Variants in ANKRD61 observed in about 807,000 individuals in gnomAD.
ANKRD61 encodes ankyrin repeat domain 61.
Under a neutral mutation model 8.4 loss-of-function variants are expected in ANKRD61, and 7 were observed. That is an observed-to-expected ratio of 0.84 (90% CI 0.48 to 1.57). ANKRD61 has a LOEUF of 1.57. Among genes scored for constraint, ANKRD61 ranks in the 40% most tolerant of loss-of-function variants. The pLI is 0.00. For missense variants in ANKRD61, 516 were observed against 523.4 expected (o/e 0.99, Z 0.14); for synonymous variants, 198 against 208.0 (o/e 0.95, Z 0.41).
chr7:6,035,346 T>G lies in ANKRD61; in HGVS notation c.315-98T>G. The G allele has an allele frequency of 8.5e-7, 1 of 1,172,748 alleles. No individual in the cohort carries two copies. Among genetic ancestry groups the G allele is most frequent in the Non-Finnish European group, 1.2e-6 (1 of 837,654 alleles). The allele number at this position is 1,172,748 out of a possible 1,614,324, so 72.6% of individuals were successfully genotyped here. A position where few individuals can be genotyped will look rare whatever the true frequency, so the allele number is the denominator to read the frequency against. On this transcript the variant is annotated intron_variant, in intron 2 of 2. Transcript: ENST00000409061. The surrounding 1 kb of genome is among the most constrained non-coding windows in gnomAD (Gnocchi z 5.5). ...ACGTCCTTAAGGTAATTGAAGGGTC[T>G]TACTTTAAATAAATACTGGCTTCTT... is the stretch of plus-strand genomic sequence containing the variant.
Position 6,036,282 on chromosome 7 carries a change from A to T in ANKRD61, c.1153A>T (p.Arg385Trp), listed in dbSNP as rs918880445. ...SLQGICKRNIRNIYGEKYKQH... is the reference protein window; with the variant it reads ...SLQGICKRNIWNIYGEKYKQH... ...ACAGGGTATCTGCAAAAGAAACATC[A>T]GGAATATTTATGGTGAGAAATACAA... The change falls in exon 3 of 3, where the codon AGG (arginine) becomes TGG (tryptophan). Residue 385 changes from arginine (R) to tryptophan (W), a missense_variant. Coordinates refer to ENST00000409061, the MANE Select transcript of ANKRD61 (RefSeq NM_001271700.2). The surrounding 1 kb of genome is among the most constrained non-coding windows in gnomAD (Gnocchi z 4.6). 6.5e-7 allele frequency: 1 copy of T among 1,549,386 alleles called. No homozygotes were observed. Among genetic ancestry groups the T allele is most frequent in the Non-Finnish European group, 8.7e-7 (1 of 1,146,778 alleles).
In ANKRD61 at chr7:6,033,660, C is replaced by G. The variant is rs1787980295; in HGVS notation, c.314+724C>G. Among the ~76,000 whole-genome samples, 1 of 152,180 alleles carries G rather than the reference C, an allele frequency of 6.6e-6. No homozygotes were observed. Among genetic ancestry groups the G allele is most frequent in the South Asian group, 2.1e-4 (1 of 4,818 alleles). On this transcript the variant is annotated intron_variant, in intron 2 of 2. Coordinates refer to ENST00000409061, the MANE Select transcript of ANKRD61 (RefSeq NM_001271700.2). The surrounding 1 kb of genome is among the most constrained non-coding windows in gnomAD (Gnocchi z 4.4). ...GGCTGGAGTGCAGTGGCACCATTCT[C>G]CTGGGTTCACGCCATTCTCCTGCCT... is the stretch of plus-strand genomic sequence containing the variant.
At position 6,036,051 on chromosome 7, in the gene ANKRD61, A is replaced by G; in HGVS notation, c.922A>G (p.Thr308Ala). 6.4e-7 allele frequency: 1 copy of G among 1,551,122 alleles called. No homozygotes were observed. The highest frequency in any genetic ancestry group is 8.7e-7 in the Non-Finnish European group (1 of 1,147,130). Residue 308 changes from threonine (T) to alanine (A), a missense_variant, in exon 3 of 3, where the codon ACA becomes GCA. By Grantham distance (58) the Thr-to-Ala change is moderately conservative (BLOSUM62 0). Transcript: ENST00000409061. The surrounding 1 kb of genome is among the most constrained non-coding windows in gnomAD (Gnocchi z 4.6). ...LEFEANVNIL[T>A]RNGESPIYMY... ...ATTTGAAGCAAATGTTAACATTTTA[A>G]CAAGAAACGGGGAATCTCCAATTTA...
In ANKRD61 at chr7:6,035,493, G is replaced by A; in HGVS notation, c.364G>A (p.Val122Ile). The A allele has an allele frequency of 3.9e-6, 6 of 1,551,072 alleles. No homozygotes were observed. The highest frequency in any genetic ancestry group is 5.2e-6 in the Non-Finnish European group (6 of 1,147,110). ...CAACTTAATGCTACTGCACTGGCCA[G>A]TCACTTCCACCACGTGGGCAAAACC... ...TLNLMLLHWP[V>I]TSTTWAKPGN... is the part of the protein sequence containing the mutation. Residue 122 changes from valine (V) to isoleucine (I), a missense_variant, in exon 3 of 3, where the codon GTC (valine) becomes ATC (isoleucine). Physicochemically the swap from Val to Ile is conservative, Grantham distance 29. Transcript: ENST00000409061. This position sits in a 1 kb window ranked among gnomAD's most constrained non-coding sequence, Gnocchi z 5.5.
In ANKRD61 at chr7:6,031,490, GA is replaced by G; in HGVS notation, c.117del (p.Asp40ThrfsTer9). On this transcript the variant is annotated frameshift_variant, in exon 1 of 3. Coordinates refer to ENST00000409061, the MANE Select transcript of ANKRD61 (RefSeq NM_001271700.2). LOFTEE classifies it high-confidence loss of function. ...GAAACTCTATGAAGCCATCATGAGA[GA>G]AGACTGCACTACGATCGAGGTACTC... ...HSKLYEAIMR[E>X]DCTTIEVLLR... The G allele has an allele frequency of 6.4e-7, 1 of 1,550,684 alleles. No individual in the cohort carries two copies. Among genetic ancestry groups the G allele is most frequent in the Non-Finnish European group, 8.7e-7 (1 of 1,146,978 alleles).
rs1309431234 is a variant in ANKRD61, at chr7:6,035,891, C to T, written c.762C>T (p.Leu254=). The T allele has an allele frequency of 9.1e-6, 14 of 1,546,378 alleles. No homozygotes were observed. Among genetic ancestry groups the T allele is most frequent in the East Asian group, 4.9e-5 (2 of 40,852 alleles). The change falls in exon 3 of 3, where the codon CTC becomes CTT. Residue 254 remains leucine, a synonymous_variant. Coordinates refer to ENST00000409061, the MANE Select transcript of ANKRD61 (RefSeq NM_001271700.2). The surrounding 1 kb of genome is among the most constrained non-coding windows in gnomAD (Gnocchi z 5.5). ...CTASSKAGRL[L]GAGVSCIRLL... ...CATCAAGCAAAGCAGGCCGACTCCTCGGGGCGGGGGTCAGCTGCATCCGTC... is the reference window on the plus strand; with the variant it reads ...CATCAAGCAAAGCAGGCCGACTCCTTGGGGCGGGGGTCAGCTGCATCCGTC...
At position 6,032,937 on chromosome 7, in the gene ANKRD61, GTAAGT is replaced by G; in HGVS notation, c.314+5_314+9del. On this transcript the variant is annotated splice_donor_variant and splice_donor_5th_base_variant and intron_variant, in intron 2 of 2. Coordinates refer to ENST00000409061, the MANE Select transcript of ANKRD61 (RefSeq NM_001271700.2). LOFTEE classifies it high-confidence loss of function. The surrounding 1 kb of genome is among the most constrained non-coding windows in gnomAD (Gnocchi z 4.3). ...GGCACGGTGCTGACCCAGAAGTCAG[GTAAGT>G]TAACTCCACCGAAAATCATTTCTTT... The G allele has an allele frequency of 3.9e-6, 6 of 1,548,856 alleles. No homozygotes were observed. Among genetic ancestry groups the G allele is most frequent in the Non-Finnish European group, 5.2e-6 (6 of 1,145,518 alleles).
In ANKRD61 at chr7:6,032,939, A is replaced by G. The variant is rs1460422482; in HGVS notation, c.314+3A>G. ...CACGGTGCTGACCCAGAAGTCAGGT[A>G]AGTTAACTCCACCGAAAATCATTTC... On this transcript the variant is annotated splice_donor_region_variant and intron_variant, in intron 2 of 2. Coordinates refer to ENST00000409061, the MANE Select transcript of ANKRD61 (RefSeq NM_001271700.2). This position sits in a 1 kb window ranked among gnomAD's most constrained non-coding sequence, Gnocchi z 4.3. 3 of 1,547,280 alleles carry G rather than the reference A, an allele frequency of 1.9e-6. No individual in the cohort carries two copies. Among genetic ancestry groups the G allele is most frequent in the Non-Finnish European group, 2.6e-6 (3 of 1,144,212 alleles).
In ANKRD61 at chr7:6,035,214, T is replaced by C. The variant is rs1226298458; in HGVS notation, c.315-230T>C. On this transcript the variant is annotated intron_variant, in intron 2 of 2. Transcript: ENST00000409061. This position sits in a 1 kb window ranked among gnomAD's most constrained non-coding sequence, Gnocchi z 5.5. ...ATTTTTCAAAAAAAAAAATTATATA[T>C]ACATAAAATGAAGCTAGGCCCCATC... 6.6e-6 allele frequency among the ~76,000 whole-genome samples: 1 copy of C among 151,998 alleles called. No individual in the cohort carries two copies. The highest frequency in any genetic ancestry group is 2.4e-5 in the African/African-American group (1 of 41,348).
chr7:6,031,900 G>A lies in ANKRD61; in HGVS notation c.216+309G>A, dbSNP rs566184575. Among the ~76,000 whole-genome samples, 4 of 152,206 alleles carry A rather than the reference G, an allele frequency of 2.6e-5. No individual in the cohort carries two copies. The East Asian group carries it at 5.8e-4, about 22-fold the overall frequency. ...TAGTTTTTCCCTTTTTTGGCCAGACGCAGTAGCTCATGCCTGTAATCCCAG... is the reference window on the plus strand; with the variant it reads ...TAGTTTTTCCCTTTTTTGGCCAGACACAGTAGCTCATGCCTGTAATCCCAG... On this transcript the variant is annotated intron_variant, in intron 1 of 2. Coordinates refer to ENST00000409061, the MANE Select transcript of ANKRD61 (RefSeq NM_001271700.2).
At position 6,032,079 on chromosome 7, in the gene ANKRD61, C is replaced by G. The variant is rs929181292; in HGVS notation, c.216+488C>G. Among the ~76,000 whole-genome samples, 5 of 152,138 alleles carry G rather than the reference C, an allele frequency of 3.3e-5. No homozygotes were observed. Among genetic ancestry groups the G allele is most frequent in the Admixed American group, 6.6e-5 (1 of 15,258 alleles). ...ATCTCAGCTACTCGGACGGCTGAGG[C>G]AGGAGAATTGCTTGAACCCAGGAGG... On this transcript the variant is annotated intron_variant, in intron 1 of 2. Transcript: ENST00000409061. This position sits in a 1 kb window ranked among gnomAD's most constrained non-coding sequence, Gnocchi z 4.3.
chr7:6,035,755 C>T lies in ANKRD61; in HGVS notation c.626C>T (p.Ala209Val). 2 of 1,551,102 alleles carry T rather than the reference C, an allele frequency of 1.3e-6. No individual in the cohort carries two copies. The highest frequency in any genetic ancestry group is 1.7e-6 in the Non-Finnish European group (2 of 1,147,128). The change falls in exon 3 of 3, where the codon GCA (alanine) becomes GTA (valine). Residue 209 changes from alanine (A) to valine (V), a missense_variant. Physicochemically the swap from Ala to Val is moderately conservative, Grantham distance 64. Transcript: ENST00000409061. This position sits in a 1 kb window ranked among gnomAD's most constrained non-coding sequence, Gnocchi z 5.5. ...EASMTPLHMAANMLNKEMMET... is the reference protein window; with the variant it reads ...EASMTPLHMAVNMLNKEMMET... ...AGCATGACACCCCTTCACATGGCCGCAAACATGCTGAATAAGGAGATGATG... is the reference window on the plus strand; with the variant it reads ...AGCATGACACCCCTTCACATGGCCGTAAACATGCTGAATAAGGAGATGATG...
intron 2 of ANKRD61, among the ~76,000 whole-genome samples, chr7:6,034,585 G>T (rs982944156): frequency 1.3e-5 from 2 of 152,138 alleles, no homozygotes; most frequent in Admixed American, 6.6e-5. Flanking sequence ...ACTGTTTCAC[G>T]TCTATCTTCC....
In ANKRD61 at chr7:6,035,925, A is replaced by G; in HGVS notation, c.796A>G (p.Thr266Ala). The part of the protein sequence containing the change: ...AGVSCIRLLL[T>A]HGAKVNAQDY... ...GGTCAGCTGCATCCGTCTGCTACTC[A>G]CTCACGGAGCCAAAGTCAACGCCCA... The change falls in exon 3 of 3, where the codon ACT becomes GCT. Residue 266 changes from threonine (T) to alanine (A), a missense_variant. Thr to Ala is a moderately conservative substitution (Grantham distance 58). Coordinates refer to ENST00000409061, the MANE Select transcript of ANKRD61 (RefSeq NM_001271700.2). This position sits in a 1 kb window ranked among gnomAD's most constrained non-coding sequence, Gnocchi z 5.5. 6.5e-7 allele frequency: 1 copy of G among 1,547,120 alleles called. No individual in the cohort carries two copies. The highest frequency in any genetic ancestry group is 8.7e-7 in the Non-Finnish European group (1 of 1,144,742).
At position 6,032,964 on chromosome 7, in the gene ANKRD61, C is replaced by CT. The variant is rs770727290; in HGVS notation, c.314+37dup. ...AAGTTAACTCCACCGAAAATCATTT[C>CT]TTTTTTTTTCTTTTTTGTTTTGAGG... On this transcript the variant is annotated intron_variant, in intron 2 of 2. Transcript: ENST00000409061. This position sits in a 1 kb window ranked among gnomAD's most constrained non-coding sequence, Gnocchi z 4.3. 7.0e-4 allele frequency: 1,060 copies of CT among 1,506,644 alleles called. No homozygotes were observed. The highest frequency in any genetic ancestry group is 3.3e-3 in the African/African-American group (240 of 71,864). The allele number at this position is 1,506,644 out of a possible 1,614,324, so 93.3% of individuals were successfully genotyped here. A position where few individuals can be genotyped will look rare whatever the true frequency, so the allele number is the denominator to read the frequency against.
chr7:6,032,438 C>T lies in ANKRD61; in HGVS notation c.217-401C>T, dbSNP rs1384169708. On this transcript the variant is annotated intron_variant, in intron 1 of 2. Transcript: ENST00000409061. The surrounding 1 kb of genome is among the most constrained non-coding windows in gnomAD (Gnocchi z 4.3). ...GAAAACCCTGAAGATTCAGGTTTTA[C>T]TGCTGATAATACGACTTTGGCAACG... is the stretch of plus-strand genomic sequence containing the variant. Among the ~76,000 whole-genome samples, 1 of 152,200 alleles carries T rather than the reference C, an allele frequency of 6.6e-6. No individual in the cohort carries two copies. Among genetic ancestry groups the T allele is most frequent in the Non-Finnish European group, 1.5e-5 (1 of 68,044 alleles).
chr7:6,036,420 T>G lies in ANKRD61; in HGVS notation c.*34T>G. On this transcript the variant is annotated 3_prime_UTR_variant, in exon 3 of 3. Coordinates refer to ENST00000409061, the MANE Select transcript of ANKRD61 (RefSeq NM_001271700.2). The surrounding 1 kb of genome is among the most constrained non-coding windows in gnomAD (Gnocchi z 4.6). ...CTCCCAGTTTCACAGCAGAGGGACTTTCAGCCACTCAAACTGCATTTTCTG... is the reference window on the plus strand; with the variant it reads ...CTCCCAGTTTCACAGCAGAGGGACTGTCAGCCACTCAAACTGCATTTTCTG... 1.4e-6 allele frequency: 2 copies of G among 1,415,188 alleles called. No homozygotes were observed. Among genetic ancestry groups the G allele is most frequent in the Non-Finnish European group, 1.9e-6 (2 of 1,080,944 alleles). 87.7% of individuals were successfully genotyped at this position (1,415,188 alleles called of 1,614,324 possible). A position where few individuals can be genotyped will look rare whatever the true frequency, so the allele number is the denominator to read the frequency against.
At position 6,035,862 on chromosome 7, in the gene ANKRD61, A is replaced by T. The variant is rs200792722; in HGVS notation, c.733A>T (p.Thr245Ser). ...CACGCCCCTGAAGCTTGCAGTGTGC[A>T]CTGCATCAAGCAAAGCAGGCCGACT... ...GNTPLKLAVC[T>S]ASSKAGRLLG... is the part of the protein sequence containing the mutation. Residue 245 changes from threonine (T) to serine (S), a missense_variant, in exon 3 of 3, where the codon ACT becomes TCT. By Grantham distance (58) the Thr-to-Ser change is moderately conservative. Coordinates refer to ENST00000409061, the MANE Select transcript of ANKRD61 (RefSeq NM_001271700.2). This position sits in a 1 kb window ranked among gnomAD's most constrained non-coding sequence, Gnocchi z 5.5. 35 of 1,548,078 alleles carry T rather than the reference A, an allele frequency of 2.3e-5. No individual in the cohort carries two copies. The highest frequency in any genetic ancestry group is 3.1e-5 in the Non-Finnish European group (35 of 1,145,238).
chr7:6,034,667 C>A (rs1054967279), intron 2 of ANKRD61, among the ~76,000 whole-genome samples: 1 of 152,184 alleles, frequency 6.6e-6, no homozygotes, highest in Non-Finnish European at 1.5e-5. Context: ...TAGGGCCTCA[C>A]GCTAAACAAA....
Sources: gnomAD v4.1 joint callset for allele counts (sites outside exome capture counted in the v4.1 genomes callset) on GRCh38, gnomAD v4.1.1 for gene constraint, Gnocchi (gnomAD v3.1) non-coding constraint, MANE v1.5 for transcripts, NCBI Gene and HGNC (gene_info 2026-07-23, HGNC 2026-07-21) for gene names.